Variants in CMYA5 observed in about 807,000 individuals in gnomAD.
CMYA5 encodes cardiomyopathy associated 5, also known as cardiomyopathy-associated protein 5.
A neutral mutation model predicts 318.9 loss-of-function variants in CMYA5; 246 were observed. That is an observed-to-expected ratio of 0.77 (90% CI 0.70 to 0.86). The LOEUF is 0.86. Among genes scored for constraint, CMYA5 ranks in the 40% least tolerant of loss-of-function variants. The pLI is 0.00. For missense variants in CMYA5, 4,589 were observed against 4,678.2 expected, an observed-to-expected ratio of 0.98 and a Z score of 0.56; for synonymous variants, 1,641 against 1,729.5, an observed-to-expected ratio of 0.95 and a Z score of 1.27.
intron 6 of CMYA5, among the ~76,000 whole-genome samples, chr5:79,754,327 G>T (rs75026905): frequency 0.017 from 2,523 of 152,274 alleles, 73 homozygotes; most frequent in African/African-American, 0.057. Flanking sequence ...AGAAGTAGCA[G>T]CCCATACGAT....
At position 79,795,779 on chromosome 5, in the gene CMYA5, G is replaced by C. The variant is rs1245858865; in HGVS notation, c.11963+2169G>C. ...CCAAAGGGGTCTGGGCTGAGTGTGG[G>C]CCAGAGGTGGGACTCAAGGGAGTAA... On this transcript the variant is annotated intron_variant, in intron 12 of 12. Coordinates refer to ENST00000446378, the MANE Select transcript of CMYA5 (RefSeq NM_153610.5). Among the ~76,000 whole-genome samples, 10 of 152,152 alleles carry C rather than the reference G, an allele frequency of 6.6e-5. 1 individual carries two copies. The highest frequency in any genetic ancestry group is 6.5e-4 in the Admixed American group (10 of 15,282).
intron 10 of CMYA5, 109 bp downstream of exon 10, chr5:79,789,213 A>T: frequency 7.9e-7 from 1 of 1,265,440 alleles, no homozygotes; most frequent in South Asian, 1.6e-5. Context: ...ACCTACTGTC[A>T]GTGGTAGGTT....
In CMYA5 at chr5:79,742,048, CTCTTCTTCTTCTTCTTCTTCTTCT is replaced by C. The variant is rs200715392; in HGVS notation, c.10639-1750_10639-1727del. Reference sequence around the variant, plus strand: ...TTCCTCCTCCTCCTCCCTCTTTCTCCTCTTCTTCTTCTTCTTCTTCTTCTTCTTCTTCTTCTTCTTCTTCTTCTT... The same window carrying C: ...TTCCTCCTCCTCCTCCCTCTTTCTCCTCTTCTTCTTCTTCTTCTTCTTCTT... On this transcript the variant is annotated intron_variant, in intron 2 of 12. Coordinates refer to ENST00000446378, the MANE Select transcript of CMYA5 (RefSeq NM_153610.5). Among the ~76,000 whole-genome samples the C allele has an allele frequency of 5.1e-4, 52 of 102,526 alleles. 2 individuals are homozygous for C. Among genetic ancestry groups the C allele is most frequent in the African/African-American group, 2.3e-3 (47 of 20,092 alleles). The allele number at this position is 102,526 out of a possible 152,430, so 67.3% of individuals were successfully genotyped here.
intron 1 of CMYA5, among the ~76,000 whole-genome samples, chr5:79,696,602 A>G (rs1302094418): frequency 2.6e-5 from 4 of 152,246 alleles, no homozygotes; most frequent in Admixed American, 2.6e-4. Flanking sequence ...TGATTTTAAA[A>G]AACTTTTAAA....
At chr5:79,755,587 A>G (rs2405076) in intron 6 of CMYA5, among the ~76,000 whole-genome samples, 16,808 of 152,154 alleles carry the variant, frequency 0.11, 1,139 homozygotes, top group East Asian at 0.28. Flanking sequence ...GCGCCCGGCC[A>G]GCATCATACT....
At chr5:79,726,867 T>C (rs944508406) in intron 1 of CMYA5, among the ~76,000 whole-genome samples, 1 of 151,414 alleles carries the variant, frequency 6.6e-6, no homozygotes, top group East Asian at 2.0e-4. Flanking sequence ...AAGAAAGATA[T>C]GTGCTATTTA....
Position 79,757,807 on chromosome 5 carries a change from T to C in CMYA5, c.11111-946T>C, listed in dbSNP as rs536463846. On this transcript the variant is annotated intron_variant, in intron 6 of 12. Transcript: ENST00000446378. ...GTTTATTGCTCCAACTATAGGACTG[T>C]AGAAGAGTATTCTCAAGTGATCCCA... Among the ~76,000 whole-genome samples, 5 of 152,386 alleles carry C rather than the reference T, an allele frequency of 3.3e-5. No individual in the cohort carries two copies. The South Asian group carries it at 1.0e-3, about 32-fold the overall frequency.
rs1828087336 is a variant in CMYA5, at chr5:79,737,024, T to A, written c.8259T>A (p.Asp2753Glu). Reference sequence around the variant, plus strand: ...TAGTGTTAGAAAAGTCAAGCAGAGATATGCCAGATCACAGTGAAGAAAAAG... The same window carrying A: ...TAGTGTTAGAAAAGTCAAGCAGAGAAATGCCAGATCACAGTGAAGAAAAAG... Reference protein sequence around the residue: ...GNLVLEKSSRDMPDHSEEKEQ... With the variant: ...GNLVLEKSSREMPDHSEEKEQ... The change falls in exon 2 of 13, where the codon GAT becomes GAA. Residue 2753 changes from aspartate to glutamate, a missense_variant. Around this residue, in one of 3 missense-constraint regions of CMYA5, gnomAD observed 2,431 missense variants for 2,495.1 expected, o/e 0.97. Coordinates refer to ENST00000446378, the MANE Select transcript of CMYA5 (RefSeq NM_153610.5). The A allele has an allele frequency of 6.2e-7, 1 of 1,613,476 alleles. No homozygotes were observed. The highest frequency in any genetic ancestry group is 1.7e-5 in the Admixed American group (1 of 59,906).
chr5:79,728,929 A>C lies in CMYA5; in HGVS notation c.164A>C (p.Asp55Ala). The change falls in exon 2 of 13, where the codon GAT becomes GCT. Residue 55 changes from aspartate to alanine, a missense_variant. Physicochemically the swap from Asp to Ala is moderately radical, Grantham distance 126. Coordinates refer to ENST00000446378, the MANE Select transcript of CMYA5 (RefSeq NM_153610.5). ...EEPDSRLSDQ[D>A]EEGKIKQEYI... ...ATTTGCTATAGGTTATCAGACCAGGATGAAGAGGGAAAGATCAAGCAGGAG... is the reference window on the plus strand; with the variant it reads ...ATTTGCTATAGGTTATCAGACCAGGCTGAAGAGGGAAAGATCAAGCAGGAG... 6.4e-7 allele frequency: 1 copy of C among 1,573,762 alleles called. No homozygotes were observed. The highest frequency in any genetic ancestry group is 8.6e-7 in the Non-Finnish European group (1 of 1,160,332).
intron 3 of CMYA5, 21 bp downstream of exon 3, chr5:79,743,943 T>C: frequency 8.0e-7 from 1 of 1,257,760 alleles, no homozygotes; most frequent in Non-Finnish European, 1.1e-6. Flanking sequence ...ACACCCATTT[T>C]ACCTTAACCT....
chr5:79,792,512 G>A (rs1829198445), intron 11 of CMYA5, among the ~76,000 whole-genome samples: 1 of 152,150 alleles, frequency 6.6e-6, no homozygotes, highest in African/African-American at 2.4e-5. Context: ...ATATCAGACA[G>A]CTGGGCCTTG....
intron 9 of CMYA5, among the ~76,000 whole-genome samples, chr5:79,765,581 G>A (rs192371804): frequency 6.6e-6 from 1 of 152,296 alleles, no homozygotes; most frequent in Non-Finnish European, 1.5e-5. Flanking sequence ...CCTTTGGGCT[G>A]TATGGCCATT....
In CMYA5 at chr5:79,732,300, G is replaced by A. The variant is rs1827930931; in HGVS notation, c.3535G>A (p.Ala1179Thr). The change falls in exon 2 of 13, where the codon GCA (alanine) becomes ACA (threonine). Residue 1179 changes from alanine to threonine, a missense_variant. This residue lies in a region of CMYA5 where 2,132 missense variants were observed against 2,131.3 expected (regional missense o/e 1.00). Transcript: ENST00000446378. ...TTCAGTTTTACCTGATTCAGTCCCT[G>A]CAATCAAGAAAGAACAGGAACCCAC... ...PHSVLPDSVP[A>T]IKKEQEPTAA... is the part of the protein sequence containing the mutation. 6.2e-7 allele frequency: 1 copy of A among 1,613,698 alleles called. No homozygotes were observed. The highest frequency in any genetic ancestry group is 8.5e-7 in the Non-Finnish European group (1 of 1,179,856).
At position 79,733,948 on chromosome 5, in the gene CMYA5, C is replaced by T. The variant is rs1827985641; in HGVS notation, c.5183C>T (p.Pro1728Leu). ...ATCATCAGCCTAGAGTCGAAAGAAC[C>T]ACCTGCCTCTGTAGCTGAAGGAGGC... ...PKIISLESKE[P>L]PASVAEGGNP... The change falls in exon 2 of 13, where the codon CCA becomes CTA. Residue 1728 changes from proline (P) to leucine (L), a missense_variant. Physicochemically the swap from Pro to Leu is moderately conservative, Grantham distance 98 (BLOSUM62 -3). Around this residue, in one of 3 missense-constraint regions of CMYA5, gnomAD observed 2,132 missense variants for 2,131.3 expected, o/e 1.00. Transcript: ENST00000446378. 3.1e-6 allele frequency: 5 copies of T among 1,613,432 alleles called. No individual in the cohort carries two copies. The highest frequency in any genetic ancestry group is 4.2e-6 in the Non-Finnish European group (5 of 1,179,784).
chr5:79,795,658 G>T (rs1350203552), intron 12 of CMYA5, among the ~76,000 whole-genome samples: 2 of 152,188 alleles, frequency 1.3e-5, no homozygotes, highest in East Asian at 3.9e-4. Context: ...GTCAGAACTT[G>T]GGTGGGACCA....
Position 79,758,990 on chromosome 5 carries a change from T to G in CMYA5, c.11260+88T>G, listed in dbSNP as rs1361641781. 2.7e-6 allele frequency: 3 copies of G among 1,092,678 alleles called. No individual in the cohort carries two copies. The African/African-American group carries it at 4.8e-5, about 18-fold the overall frequency. The allele number at this position is 1,092,678 out of a possible 1,614,324, so 67.7% of individuals were successfully genotyped here. A position where few individuals can be genotyped will look rare whatever the true frequency, so the allele number is the denominator to read the frequency against. On this transcript the variant is annotated intron_variant, in intron 7 of 12. Transcript: ENST00000446378. ...TAAATATACACCTGTATTATGACTC[T>G]TCCCACAAAGCATTTATAGCCATTT...
chr5:79,769,417 T>C (rs1460608849), intron 9 of CMYA5, among the ~76,000 whole-genome samples: 1 of 152,156 alleles, frequency 6.6e-6, no homozygotes, highest in East Asian at 1.9e-4. Flanking sequence ...CACTGGTTTT[T>C]CCCTCATATT....
chr5:79,798,196 T>C (rs17470913), intron 12 of CMYA5, among the ~76,000 whole-genome samples: 13,265 of 152,042 alleles, frequency 0.087, 638 homozygotes, highest in African/African-American at 0.13. Context: ...ATACTTGCAC[T>C]TGAGCTTCTG....
At position 79,737,142 on chromosome 5, in the gene CMYA5, A is replaced by G. The variant is rs745797770; in HGVS notation, c.8377A>G (p.Arg2793Gly). The G allele has an allele frequency of 2.0e-5, 33 of 1,613,274 alleles. No homozygotes were observed. The highest frequency in any genetic ancestry group is 2.8e-5 in the Non-Finnish European group (33 of 1,179,664). Residue 2793 changes from arginine (R) to glycine (G), a missense_variant, in exon 2 of 13, where the codon AGG (arginine) becomes GGG (glycine). Physicochemically the swap from Arg to Gly is moderately radical, Grantham distance 125 (BLOSUM62 -2). This residue lies in a region of CMYA5 where 2,431 missense variants were observed against 2,495.1 expected (regional missense o/e 0.97). Transcript: ENST00000446378. ...AGGATTTCCATCTAAAGAATCCGAA[A>G]GGACTTTAGCTCGTCCTTTTGATGA... ...KEGFPSKESE[R>G]TLARPFDETK...
Sources: gnomAD v4.1 joint callset for allele counts (sites outside exome capture counted in the v4.1 genomes callset) on GRCh38, gnomAD v4.1.1 for gene constraint, gnomAD v4.1.1 regional missense constraint, MANE v1.5 for transcripts, NCBI Gene and HGNC (gene_info 2026-07-23, HGNC 2026-07-21) for gene names.